TEC: variants seen among roughly 807,000 people sequenced by gnomAD.
TEC encodes the protein tyrosine-protein kinase Tec.
TEC carries 72 observed loss-of-function variants against 93.0 expected under a neutral mutation model. The observed-to-expected ratio is 0.77, with a 90% CI of 0.64 to 0.94. The LOEUF is 0.94. Among genes scored for constraint, TEC ranks in the 40% least tolerant of loss-of-function variants. The pLI is 0.00. For synonymous variants in TEC, 249 were observed against 247.7 expected, an observed-to-expected ratio of 1.01 and a Z score of -0.05; for missense variants, 630 against 757.9, an observed-to-expected ratio of 0.83 and a Z score of 1.98.
intron 7 of TEC, among the ~76,000 whole-genome samples, chr4:48,165,864 G>T (rs1210903454): frequency 1.2e-4 from 18 of 152,146 alleles, no homozygotes; most frequent in Non-Finnish European, 2.9e-5. Context: ...GAGCTAATCG[G>T]GGAAACTGGA....
chr4:48,186,333 A>C (rs1199720167), intron 2 of TEC, among the ~76,000 whole-genome samples: 1 of 138,708 alleles, frequency 7.2e-6, no homozygotes, highest in African/African-American at 2.8e-5. Flanking sequence ...CTGGGATGTG[A>C]GGAGCCCCTC....
At chr4:48,185,830 CA>C (rs1369120974) in intron 2 of TEC, among the ~76,000 whole-genome samples, 11 of 130,502 alleles carry the variant, frequency 8.4e-5, no homozygotes, top group Non-Finnish European at 1.5e-4. Context: ...CCCCCTCTCC[CA>C]TCTCCCTCTC....
intron 2 of TEC, among the ~76,000 whole-genome samples, chr4:48,212,116 T>A (rs868556781): frequency 0.18 from 22,236 of 122,234 alleles, 2,385 homozygotes; most frequent in African/African-American, 0.3. Flanking sequence ...AAAAAATATA[T>A]ATATATATAT....
At chr4:48,244,473 A>C (rs1422344107) in intron 1 of TEC, among the ~76,000 whole-genome samples, 2 of 152,282 alleles carry the variant, frequency 1.3e-5, no homozygotes, top group Middle Eastern at 3.4e-3. Flanking sequence ...ATTCACTATC[A>C]CAAGAACAGC....
intron 2 of TEC, among the ~76,000 whole-genome samples, chr4:48,226,749 C>T (rs374626739): frequency 1.2e-4 from 19 of 152,104 alleles, no homozygotes; most frequent in African/African-American, 4.6e-4. Flanking sequence ...TTTGACTGCA[C>T]AAGGGTTGGT....
intron 2 of TEC, among the ~76,000 whole-genome samples, chr4:48,214,519 AC>A (rs1435781026): frequency 6.6e-6 from 1 of 152,234 alleles, no homozygotes; most frequent in African/African-American, 2.4e-5. Flanking sequence ...ATGTACCCAT[AC>A]TACCATTCTG....
intron 3 of TEC, among the ~76,000 whole-genome samples, chr4:48,173,746 C>G (rs1053133331): frequency 1.4e-4 from 21 of 152,180 alleles, no homozygotes; most frequent in African/African-American, 5.1e-4. Context: ...GTAGGAGAAA[C>G]AGCACAGACA....
At chr4:48,219,488 T>C (rs1295083131) in intron 2 of TEC, among the ~76,000 whole-genome samples, 1 of 152,246 alleles carries the variant, frequency 6.6e-6, no homozygotes, top group Non-Finnish European at 1.5e-5. Flanking sequence ...TTCATGCTCC[T>C]CCTGTACTCC....
At chr4:48,142,831 C>T (rs550018867) in intron 14 of TEC, among the ~76,000 whole-genome samples, 7 of 152,214 alleles carry the variant, frequency 4.6e-5, no homozygotes, top group African/African-American at 1.7e-4. Flanking sequence ...CAGGCGTCTG[C>T]CACCACGCCT....
At chr4:48,189,428 G>A (rs545693424) in intron 2 of TEC, among the ~76,000 whole-genome samples, 25 of 152,280 alleles carry the variant, frequency 1.6e-4, no homozygotes, top group South Asian at 6.2e-4. Flanking sequence ...CTCCTGAGAC[G>A]TAAGCATTTC....
At chr4:48,197,304 T>C (rs955606803) in intron 2 of TEC, among the ~76,000 whole-genome samples, 2 of 152,186 alleles carry the variant, frequency 1.3e-5, no homozygotes, top group African/African-American at 4.8e-5. Flanking sequence ...TTGGGCAAAG[T>C]ACTCAACCTC....
At chr4:48,173,562 T>C (rs1481189053) in intron 3 of TEC, among the ~76,000 whole-genome samples, 4 of 152,202 alleles carry the variant, frequency 2.6e-5, no homozygotes, top group African/African-American at 9.6e-5. Context: ...TGAGTCATCC[T>C]ACCACAGCAG....
At chr4:48,240,644 A>G (rs1438822325) in intron 1 of TEC, among the ~76,000 whole-genome samples, 1 of 152,150 alleles carries the variant, frequency 6.6e-6, no homozygotes, top group Non-Finnish European at 1.5e-5. Context: ...TCCCTGTTCA[A>G]GTTCATGAAA....
intron 1 of TEC, among the ~76,000 whole-genome samples, chr4:48,229,310 C>A (rs1723578284): frequency 6.6e-6 from 1 of 152,240 alleles, no homozygotes; most frequent in Non-Finnish European, 1.5e-5. Flanking sequence ...GCAGAGTCCA[C>A]CTGGATAAGA....
At chr4:48,267,885 C>T (rs975135834) in intron 1 of TEC, among the ~76,000 whole-genome samples, 2 of 152,202 alleles carry the variant, frequency 1.3e-5, no homozygotes, top group African/African-American at 4.8e-5. Flanking sequence ...AGGAGAGGCA[C>T]CAACCTGGTC....
At chr4:48,168,565 C>G (rs939505585) in intron 6 of TEC, 21 bp downstream of exon 6, 2 of 1,611,028 alleles carry the variant, frequency 1.2e-6, no homozygotes, top group Non-Finnish European at 1.7e-6. Flanking sequence ...GATTAACTAT[C>G]AAAAGCTAAA....
At chr4:48,142,527 T>C (rs1476493496) in intron 14 of TEC, among the ~76,000 whole-genome samples, 1 of 152,218 alleles carries the variant, frequency 6.6e-6, no homozygotes, top group Non-Finnish European at 1.5e-5. Flanking sequence ...GTTCCCAGTA[T>C]ATTATAACAT....
At chr4:48,260,753 T>C (rs986728909) in intron 1 of TEC, among the ~76,000 whole-genome samples, 5 of 152,164 alleles carry the variant, frequency 3.3e-5, no homozygotes, top group African/African-American at 1.2e-4. Flanking sequence ...TGTGTATAAA[T>C]AAAGATTGTA....
chr4:48,140,995 A>G (rs561971515), intron 15 of TEC, among the ~76,000 whole-genome samples: 1 of 152,154 alleles, frequency 6.6e-6, no homozygotes, highest in African/African-American at 2.4e-5. Context: ...CGGAGGGAGA[A>G]GAGAGAAAAA....
Sources: allele counts gnomAD v4.1 joint callset (sites outside exome capture counted in the v4.1 genomes callset), GRCh38; gene constraint gnomAD v4.1.1; transcripts MANE v1.5; gene names NCBI Gene and HGNC (gene_info 2026-07-23, HGNC 2026-07-21).